AGAP1: variants seen among roughly 807,000 people sequenced by gnomAD.
AGAP1 encodes arf-GAP with GTPase, ANK repeat and PH domain-containing protein 1.
AGAP1 carries 29 observed loss-of-function variants against 105.3 expected under a neutral mutation model. That is an observed-to-expected ratio of 0.28 (90% CI 0.21 to 0.38). The LOEUF is 0.38. Ranked by LOEUF, AGAP1 falls within the 10% of genes least tolerant of loss-of-function variation. AGAP1 has a pLI of 1.00. For missense variants in AGAP1, 998 were observed against 1,165.1 expected (o/e 0.86, Z 2.09); for synonymous variants, 509 against 485.9 (o/e 1.05, Z -0.63).
chr2:235,776,089 C>T (rs1390301109), intron 6 of AGAP1, among the ~76,000 whole-genome samples: 2 of 152,154 alleles, frequency 1.3e-5, no homozygotes, highest in Non-Finnish European at 1.5e-5. Context: ...ATATTAGATG[C>T]GTGACCCTCC....
rs2049502608 is a variant in AGAP1, at chr2:235,872,645, T to TA, written c.1051-10699dup. On this transcript the variant is annotated intron_variant, in intron 9 of 17. Coordinates refer to ENST00000304032, the MANE Select transcript of AGAP1 (RefSeq NM_001037131.3). This position sits in a 1 kb window ranked among gnomAD's most constrained non-coding sequence, Gnocchi z 4.5. ...TAGGGTTTTCCATTTTCTTGGTCCT[T>TA]AGAGTAGGAAGTGTGAAAGTTCGGA... Among the ~76,000 whole-genome samples the TA allele has an allele frequency of 6.6e-6, 1 of 152,152 alleles. No individual in the cohort carries two copies. The highest frequency in any genetic ancestry group is 1.5e-5 in the Non-Finnish European group (1 of 68,036).
rs183881598 is a variant in AGAP1 at position 235,621,170 on chromosome 2, C to T, written c.164-88009C>T. ...CGGAGGAGCTGAGACTACAGGCGCC[C>T]GCCACCACACCCGGCTATTTTTTGT... On this transcript the variant is annotated intron_variant, in intron 1 of 17. Transcript: ENST00000304032. The surrounding 1 kb of genome is among the most constrained non-coding windows in gnomAD (Gnocchi z 4.1). Among the ~76,000 whole-genome samples the T allele has an allele frequency of 5.9e-5, 9 of 152,206 alleles. No homozygotes were observed. Among genetic ancestry groups the T allele is most frequent in the South Asian group, 4.1e-4 (2 of 4,820 alleles).
chr2:235,495,655 A>G (rs1941284923), intron 1 of AGAP1, among the ~76,000 whole-genome samples: 1 of 152,200 alleles, frequency 6.6e-6, no homozygotes. Context: ...CAGGAGAGCT[A>G]CAGCAGCAGT....
At position 235,725,732 on chromosome 2, in the gene AGAP1, A is replaced by G. The variant is rs1951612069; in HGVS notation, c.310+8088A>G. On this transcript the variant is annotated intron_variant, in intron 3 of 17. Coordinates refer to ENST00000304032, the MANE Select transcript of AGAP1 (RefSeq NM_001037131.3). This position sits in a 1 kb window ranked among gnomAD's most constrained non-coding sequence, Gnocchi z 5.7. The stretch of plus-strand genomic sequence containing the variant: ...GTCAGTTCAGCCATCTTCACTGATG[A>G]TTTTCAGAATTAACCTGATCACTCA... Among the ~76,000 whole-genome samples the G allele has an allele frequency of 2.0e-5, 3 of 152,262 alleles. No individual in the cohort carries two copies. The South Asian group carries it at 6.2e-4, about 32-fold the overall frequency.
intron 11 of AGAP1, among the ~76,000 whole-genome samples, chr2:235,922,542 G>T (rs1340326396): frequency 1.3e-5 from 2 of 152,158 alleles, no homozygotes; most frequent in Admixed American, 6.5e-5. Context: ...CGCAGGGAAT[G>T]AACTTTTGTA....
chr2:235,903,986 G>A (rs551311804), intron 10 of AGAP1, among the ~76,000 whole-genome samples: 3 of 152,010 alleles, frequency 2.0e-5, no homozygotes, highest in East Asian at 3.9e-4. Context: ...CGGGCGCCAC[G>A]TTAAGCTGTG....
At chr2:235,494,993 G>T in intron 1 of AGAP1, 144 bp downstream of exon 1, 1 of 738,684 alleles carries the variant, frequency 1.4e-6, no homozygotes, top group East Asian at 3.7e-5. Flanking sequence ...GGCGCTGCTT[G>T]TCTTGCAAGG....
At chr2:235,928,414 GGA>G (rs2052558184) in intron 11 of AGAP1, among the ~76,000 whole-genome samples, 1 of 152,312 alleles carries the variant, frequency 6.6e-6, no homozygotes, top group Middle Eastern at 3.4e-3. Flanking sequence ...CAAGGGCCAA[GGA>G]GAGAGGGGGT....
Position 235,960,772 on chromosome 2 carries a change from G to A in AGAP1, c.1484-7690G>A, listed in dbSNP as rs13394067. Among the ~76,000 whole-genome samples the A allele has an allele frequency of 0.11, 16,232 of 152,178 alleles. 2,159 individuals are homozygous for A. The highest frequency in any genetic ancestry group is 0.31 in the African/African-American group (12,902 of 41,452). On this transcript the variant is annotated intron_variant, in intron 12 of 17. Transcript: ENST00000304032. The surrounding 1 kb of genome is among the most constrained non-coding windows in gnomAD (Gnocchi z 4.9). Reference sequence around the variant, plus strand: ...CCAGCTCCTAGGGCACGCTTGGTGCGTGGGGACACTCAACAGGGAGATGCT... The same window carrying A: ...CCAGCTCCTAGGGCACGCTTGGTGCATGGGGACACTCAACAGGGAGATGCT...
At position 236,047,959 on chromosome 2, in the gene AGAP1, G is replaced by A. The variant is rs567232911; in HGVS notation, c.1892-1100G>A. ...CTGCCTTCTTGCATATGTAGTAGAT[G>A]TTAAATAAAGGACTGGCTTTCTGAT... On this transcript the variant is annotated intron_variant, in intron 15 of 17. Coordinates refer to ENST00000304032, the MANE Select transcript of AGAP1 (RefSeq NM_001037131.3). Among the ~76,000 whole-genome samples, 120 of 152,306 alleles carry A rather than the reference G, an allele frequency of 7.9e-4. No individual in the cohort carries two copies. The Middle Eastern group carries it at 0.014, about 17-fold the overall frequency.
At chr2:235,880,313 G>T (rs2049951179) in intron 9 of AGAP1, among the ~76,000 whole-genome samples, 1 of 152,062 alleles carries the variant, frequency 6.6e-6, no homozygotes, top group Non-Finnish European at 1.5e-5. Context: ...TCCGCGTGGA[G>T]CCCCGAGGGT....
rs1354194626 is a variant in AGAP1, at chr2:236,114,066, G to A, written c.2115-6126G>A. Among the ~76,000 whole-genome samples, 1 of 152,098 alleles carries A rather than the reference G, an allele frequency of 6.6e-6. No individual in the cohort carries two copies. The highest frequency in any genetic ancestry group is 1.5e-5 in the Non-Finnish European group (1 of 68,042). Reference sequence around the variant, plus strand: ...GTGTGTCAGCACCACATCAAATGAGGAACTGGGCCCCCTCCTTTCTGCTGA... The same window carrying A: ...GTGTGTCAGCACCACATCAAATGAGAAACTGGGCCCCCTCCTTTCTGCTGA... On this transcript the variant is annotated intron_variant, in intron 16 of 17. Coordinates refer to ENST00000304032, the MANE Select transcript of AGAP1 (RefSeq NM_001037131.3). The surrounding 1 kb of genome is among the most constrained non-coding windows in gnomAD (Gnocchi z 5.0).
chr2:235,917,813 T>C (rs930426764), intron 11 of AGAP1, among the ~76,000 whole-genome samples: 2 of 152,190 alleles, frequency 1.3e-5, no homozygotes, highest in African/African-American at 2.4e-5. Flanking sequence ...TGGCAGCTCA[T>C]TGGCGGTACT....
At chr2:235,828,590 C>T (rs1265560583) in intron 9 of AGAP1, among the ~76,000 whole-genome samples, 5 of 152,102 alleles carry the variant, frequency 3.3e-5, no homozygotes, top group African/African-American at 1.2e-4. Flanking sequence ...AATTGATAAA[C>T]CTCTGGAATT....
At chr2:236,016,529 C>T (rs1162408761) in intron 13 of AGAP1, among the ~76,000 whole-genome samples, 1 of 152,066 alleles carries the variant, frequency 6.6e-6, no homozygotes, top group Non-Finnish European at 1.5e-5. Flanking sequence ...ACCTCCTTAG[C>T]CTTGAGGGCA....
intron 3 of AGAP1, among the ~76,000 whole-genome samples, chr2:235,730,494 A>AC (rs1225173107): frequency 2.0e-5 from 3 of 151,034 alleles, no homozygotes; most frequent in Non-Finnish European, 4.4e-5. Context: ...AAAAAAAAAA[A>AC]AAAACGAGAC....
chr2:236,114,791 T>C lies in AGAP1; in HGVS notation c.2115-5401T>C, dbSNP rs115120919. ...ATACAGCAACATTGAGGGTTAAAGC[T>C]TCAGCATGTGAATTTTATGGGATAC... On this transcript the variant is annotated intron_variant, in intron 16 of 17. Coordinates refer to ENST00000304032, the MANE Select transcript of AGAP1 (RefSeq NM_001037131.3). This position sits in a 1 kb window ranked among gnomAD's most constrained non-coding sequence, Gnocchi z 5.0. Among the ~76,000 whole-genome samples, 1,175 of 152,310 alleles carry C rather than the reference T, an allele frequency of 7.7e-3. 16 individuals carry two copies. Among genetic ancestry groups the C allele is most frequent in the African/African-American group, 0.027 (1,121 of 41,568 alleles).
chr2:235,511,891 T>TGTGTGTGTGAAG (rs1257285596), intron 1 of AGAP1, among the ~76,000 whole-genome samples: 1 of 148,848 alleles, frequency 6.7e-6, no homozygotes, highest in African/African-American at 2.5e-5. Context: ...TGTGTGTGAA[T>TGTGTGTGTGAAG]GTGAGTGTGA....
intron 1 of AGAP1, among the ~76,000 whole-genome samples, chr2:235,671,298 C>A (rs1328949125): frequency 6.6e-6 from 1 of 152,204 alleles, no homozygotes; most frequent in Non-Finnish European, 1.5e-5. Context: ...TCAAGGAGAG[C>A]TTGACCCGGG....
Sources: gnomAD v4.1 joint callset for allele counts (sites outside exome capture counted in the v4.1 genomes callset) on GRCh38, gnomAD v4.1.1 for gene constraint, Gnocchi (gnomAD v3.1) non-coding constraint, MANE v1.5 for transcripts, NCBI Gene and HGNC (gene_info 2026-07-23, HGNC 2026-07-21) for gene names.